Variants in CNTNAP2 observed in about 807,000 individuals in gnomAD.
CNTNAP2 encodes contactin associated protein 2, also known as contactin-associated protein-like 2.
A neutral mutation model predicts 155.2 loss-of-function variants in CNTNAP2; 98 were observed. The ratio of observed to expected loss-of-function variants is 0.63; its 90% confidence interval spans 0.54 to 0.75. The LOEUF (loss-of-function observed/expected upper bound fraction) is 0.75, where lower values mean the gene tolerates loss of function less well. Among genes scored for constraint, CNTNAP2 ranks in the 30% least tolerant of loss-of-function variants. The probability of loss-of-function intolerance (pLI) is 0.00; values close to 1 mark genes in which losing one functional copy is unlikely to be tolerated. For missense variants in CNTNAP2, 1,727 were observed against 1,688.1 expected, an observed-to-expected ratio of 1.02 and a Z score of -0.40; for synonymous variants, 651 against 631.2, an observed-to-expected ratio of 1.03 and a Z score of -0.47.
intron 15 of CNTNAP2, among the ~76,000 whole-genome samples, chr7:148,069,129 A>G (rs1243509017): frequency 2.0e-5 from 3 of 151,962 alleles, no homozygotes; most frequent in Non-Finnish European, 4.4e-5. Context: ...GATCTCTATG[A>G]CTGTTTTATA....
chr7:146,634,444 G>A (rs540897887), intron 1 of CNTNAP2, among the ~76,000 whole-genome samples: 11 of 152,256 alleles, frequency 7.2e-5, no homozygotes, highest in African/African-American at 9.6e-5. Flanking sequence ...AAGGTACCAC[G>A]TAATTTATAT....
At chr7:146,721,592 A>ATTC (rs1585058409) in intron 1 of CNTNAP2, among the ~76,000 whole-genome samples, 2 of 123,336 alleles carry the variant, frequency 1.6e-5, no homozygotes, top group East Asian at 4.4e-4. Context: ...TTCTATATAT[A>ATTC]TATTCTATAT....
At chr7:146,889,193 A>G (rs977709334) in intron 3 of CNTNAP2, among the ~76,000 whole-genome samples, 5 of 152,182 alleles carry the variant, frequency 3.3e-5, no homozygotes, top group Admixed American at 3.3e-4. Flanking sequence ...GTTTTTAAAA[A>G]AGTTTTAATT....
At chr7:146,993,088 A>G (rs1055929936) in intron 3 of CNTNAP2, among the ~76,000 whole-genome samples, 12 of 152,206 alleles carry the variant, frequency 7.9e-5, no homozygotes, top group Admixed American at 7.2e-4. Flanking sequence ...GAGGCAATAG[A>G]GCATGAGTAA....
At chr7:146,254,633 A>T (rs1799809963) in intron 1 of CNTNAP2, among the ~76,000 whole-genome samples, 1 of 152,248 alleles carries the variant, frequency 6.6e-6, no homozygotes, top group African/African-American at 2.4e-5. Flanking sequence ...AGCACATGCC[A>T]ATTTTGGGAA....
chr7:148,327,525 T>A (rs1797913895), intron 21 of CNTNAP2, among the ~76,000 whole-genome samples: 2 of 150,204 alleles, frequency 1.3e-5, no homozygotes, highest in African/African-American at 4.8e-5. Context: ...GTAAATTGCC[T>A]CCTTATTCCT....
intron 8 of CNTNAP2, among the ~76,000 whole-genome samples, chr7:147,226,602 G>T (rs965777159): frequency 6.6e-6 from 1 of 151,856 alleles, no homozygotes; most frequent in East Asian, 1.9e-4. Flanking sequence ...TCAACATATC[G>T]TTGGCAGGTT....
chr7:148,080,553 C>T (rs575839417), intron 15 of CNTNAP2, among the ~76,000 whole-genome samples: 49 of 144,566 alleles, frequency 3.4e-4, no homozygotes, highest in African/African-American at 1.2e-3. Flanking sequence ...TGCAGCGAGC[C>T]GAGATTGCAC....
intron 1 of CNTNAP2, among the ~76,000 whole-genome samples, chr7:146,393,976 C>T (rs575239143): frequency 7.2e-5 from 11 of 152,218 alleles, no homozygotes; most frequent in Middle Eastern, 3.4e-3. Flanking sequence ...AACAGGTATT[C>T]TATGACACAG....
intron 8 of CNTNAP2, among the ~76,000 whole-genome samples, chr7:147,283,353 C>T (rs1805093254): frequency 6.6e-6 from 1 of 151,576 alleles, no homozygotes; most frequent in Non-Finnish European, 1.5e-5. Context: ...ACCTATGTAA[C>T]TAGTGTCTAT....
At chr7:146,195,885 A>G (rs1035500689) in intron 1 of CNTNAP2, among the ~76,000 whole-genome samples, 3 of 152,162 alleles carry the variant, frequency 2.0e-5, no homozygotes, top group Non-Finnish European at 4.4e-5. Flanking sequence ...TTTAACATGT[A>G]CTCTGGAAAC....
chr7:146,849,711 CTCT>C (rs1467150720), intron 3 of CNTNAP2, among the ~76,000 whole-genome samples: 6 of 152,162 alleles, frequency 3.9e-5, no homozygotes, highest in Admixed American at 3.3e-4. Context: ...TAAATATAGT[CTCT>C]TCTTATCGTC....
At chr7:146,232,646 G>A (rs1003300356) in intron 1 of CNTNAP2, among the ~76,000 whole-genome samples, 2 of 152,020 alleles carry the variant, frequency 1.3e-5, no homozygotes, top group Non-Finnish European at 2.9e-5. Context: ...TCAAATCAAG[G>A]TATAGACTTG....
intron 11 of CNTNAP2, among the ~76,000 whole-genome samples, chr7:147,486,858 A>G (rs1798518529): frequency 6.9e-6 from 1 of 144,882 alleles, no homozygotes. Context: ...AAGAGAGTCA[A>G]CTGTTGGTTA....
intron 8 of CNTNAP2, among the ~76,000 whole-genome samples, chr7:147,289,355 A>G (rs1805250865): frequency 6.6e-6 from 1 of 152,100 alleles, no homozygotes; most frequent in Admixed American, 6.6e-5. Flanking sequence ...ATAGCTTCCT[A>G]TTCATGACAA....
chr7:148,302,751 C>T (rs1585255868), intron 21 of CNTNAP2, among the ~76,000 whole-genome samples: 1 of 152,014 alleles, frequency 6.6e-6, no homozygotes, highest in East Asian at 1.9e-4. Flanking sequence ...ACCTCCCCAG[C>T]CATGTGGAAC....
chr7:146,951,203 C>T (rs1328468472), intron 3 of CNTNAP2, among the ~76,000 whole-genome samples: 1 of 152,088 alleles, frequency 6.6e-6, no homozygotes, highest in South Asian at 2.1e-4. Context: ...AGCCCTTTGT[C>T]AGATGGATAG....
intron 13 of CNTNAP2, among the ~76,000 whole-genome samples, chr7:147,716,362 A>G (rs761783917): frequency 1.2e-4 from 19 of 152,106 alleles, no homozygotes; most frequent in Non-Finnish European, 2.4e-4. Context: ...GCCAGTCCAC[A>G]GTGAAATGCC....
intron 1 of CNTNAP2, among the ~76,000 whole-genome samples, chr7:146,682,624 A>G (rs980782082): frequency 6.6e-6 from 1 of 152,232 alleles, no homozygotes; most frequent in Non-Finnish European, 1.5e-5. Context: ...TGCAAACCAC[A>G]GAAAAACATC....
Sources: gnomAD v4.1 joint callset for allele counts (sites outside exome capture counted in the v4.1 genomes callset) on GRCh38, gnomAD v4.1.1 for gene constraint, MANE v1.5 for transcripts, NCBI Gene and HGNC (gene_info 2026-07-23, HGNC 2026-07-21) for gene names.